The following TRIM49 variants were observed in gnomAD, a reference collection of about 807,000 sequenced individuals.
The protein encoded by TRIM49 is tripartite motif-containing protein 49.
A neutral mutation model predicts 27.4 loss-of-function variants in TRIM49; 5 were observed. The ratio of observed to expected loss-of-function variants is 0.18; its 90% CI spans 0.10 to 0.38. TRIM49 has a LOEUF of 0.38. Among genes scored for constraint, TRIM49 ranks in the 10% least tolerant of loss-of-function variants. The pLI is 1.00. For missense variants in TRIM49, 188 were observed against 487.5 expected (o/e 0.39, Z 5.79); for synonymous variants, 69 against 166.0 (o/e 0.42, Z 4.49).
chr11:89,802,572 A>AACAC lies in TRIM49; in HGVS notation c.508-644_508-641dup, dbSNP rs1319282782. On this transcript the variant is annotated intron_variant, in intron 4 of 7. Transcript: ENST00000329758. ...CTAGAATTACATATATATGTATACA[A>AACAC]ACACACACACATACATACATACATA... Among the ~76,000 whole-genome samples, 22 of 149,092 alleles carry AACAC rather than the reference A, an allele frequency of 1.5e-4. 1 individual carries two copies. The highest frequency in any genetic ancestry group is 5.5e-4 in the African/African-American group (22 of 39,802).
chr11:89,776,886 A>C, the TRIM49 span: 31 of 1,384,502 alleles, frequency 2.2e-5, 1 homozygote, highest in East Asian at 7.8e-4. Flanking sequence ...AAGTAGACAA[A>C]GAAAATTGTC....
the TRIM49 span, among the ~76,000 whole-genome samples, chr11:89,785,097 G>C: frequency 6.8e-6 from 1 of 147,838 alleles, no homozygotes; most frequent in African/African-American, 2.6e-5. Flanking sequence ...CAATAGCCTG[G>C]TTACAGATTT....
chr11:89,766,778 G>C, the TRIM49 span: 1 of 1,298,972 alleles, frequency 7.7e-7, no homozygotes, highest in Non-Finnish European at 1.1e-6. Flanking sequence ...AGGTGGTCAA[G>C]AGACTGAAAT....
chr11:89,777,320 GCT>G, the TRIM49 span: 1 of 1,542,852 alleles, frequency 6.5e-7, no homozygotes, highest in African/African-American at 1.4e-5. Context: ...TGTGGGCCCT[GCT>G]CTGAGTCACC....
chr11:89,785,667 CA>C, the TRIM49 span, among the ~76,000 whole-genome samples: 1 of 144,640 alleles, frequency 6.9e-6, no homozygotes, highest in Non-Finnish European at 1.5e-5. Context: ...TTAAAATTTA[CA>C]AAAGAATAAA....
At chr11:89,786,357 A>C in the TRIM49 span, 1 of 141,854 alleles carries the variant, frequency 7.0e-6, no homozygotes, top group African/African-American at 3.0e-5. Context: ...GTCAACTGGC[A>C]GGACAGGGAG....
the TRIM49 span, chr11:89,777,183 G>T: frequency 6.5e-7 from 1 of 1,548,662 alleles, no homozygotes. Context: ...ACACCAATGT[G>T]GTACTCAAAA....
At chr11:89,802,352 G>C (rs1440952091) in intron 4 of TRIM49, among the ~76,000 whole-genome samples, 73 of 150,498 alleles carry the variant, frequency 4.9e-4, no homozygotes, top group Non-Finnish European at 9.6e-4. Context: ...AGCATGTCCA[G>C]CTAAGTGCAT....
Position 89,802,887 on chromosome 11 carries a change from T to G in TRIM49, c.507+811A>C, listed in dbSNP as rs1337946170. ...TGCATATATTTGTGTATTGACAATT[T>G]GACTCTCTTATTTGGATTGTATGAT... On this transcript the variant is annotated intron_variant, in intron 4 of 7. Transcript: ENST00000329758. Among the ~76,000 whole-genome samples the G allele has an allele frequency of 2.0e-5, 3 of 149,478 alleles. 1 individual carries two copies. Among genetic ancestry groups the G allele is most frequent in the African/African-American group, 7.5e-5 (3 of 40,124 alleles).
rs1949802626 is a variant in TRIM49, at chr11:89,808,427, CT to C, written c.-191+9del. On this transcript the variant is annotated intron_variant, in intron 1 of 7. Transcript: ENST00000329758. ...TTCACATATGAATTAAGTGCAAAGACTTGACTTACCCAATTGTGGGAGCTGC... is the reference window on the plus strand; with the variant it reads ...TTCACATATGAATTAAGTGCAAAGACTGACTTACCCAATTGTGGGAGCTGC... The C allele has an allele frequency of 1.3e-5, 2 of 150,256 alleles. No homozygotes were observed. Among genetic ancestry groups the C allele is most frequent in the Admixed American group, 1.3e-4 (2 of 15,232 alleles). 9.3% of individuals were successfully genotyped at this position (150,256 alleles called of 1,614,324 possible). A position where few individuals can be genotyped will look rare whatever the true frequency, so the allele number is the denominator to read the frequency against.
At chr11:89,796,227 T>A (rs1949688035), downstream of TRIM49, among the ~76,000 whole-genome samples, 1 of 151,948 alleles carries the variant, frequency 6.6e-6, no homozygotes, top group Non-Finnish European at 1.5e-5. Context: ...TTGTGTTATA[T>A]CAAGTAATTA....
rs1243554540 is a variant in TRIM49, at chr11:89,805,502, C to T, written c.-4-1029G>A. On this transcript the variant is annotated intron_variant, in intron 2 of 7. Transcript: ENST00000329758. ...GCAGAAAAAAGGCAACTTCCTCCGT[C>T]TCTCTCCTGAAACTTGTTCTGAACC... 4.0e-5 allele frequency among the ~76,000 whole-genome samples: 6 copies of T among 151,880 alleles called. No individual in the cohort carries two copies. The East Asian group carries it at 1.2e-3, about 29-fold the overall frequency.
At chr11:89,770,265 C>G in the TRIM49 span, among the ~76,000 whole-genome samples, 1 of 124,688 alleles carries the variant, frequency 8.0e-6, no homozygotes, top group Non-Finnish European at 1.6e-5. Context: ...AATTACCGTA[C>G]ATATTGTGAG....
At chr11:89,787,762 C>G in the TRIM49 span, 16 of 694,606 alleles carry the variant, frequency 2.3e-5, 1 homozygote, top group African/African-American at 2.5e-4. Context: ...AGGAGAAACC[C>G]GAGGCGGAGG....
At chr11:89,776,928 A>G in the TRIM49 span, 1 of 1,519,838 alleles carries the variant, frequency 6.6e-7, no homozygotes, top group Middle Eastern at 2.2e-4. Context: ...CATCGGGGCA[A>G]ATAAAAATAA....
the TRIM49 span, among the ~76,000 whole-genome samples, chr11:89,777,663 T>G: frequency 1.3e-5 from 2 of 150,756 alleles, no homozygotes; most frequent in African/African-American, 4.9e-5. Context: ...AGAACACTTT[T>G]CAAAGTCAGG....
the TRIM49 span, among the ~76,000 whole-genome samples, chr11:89,790,480 C>G: frequency 6.6e-6 from 1 of 151,898 alleles, no homozygotes; most frequent in Admixed American, 6.6e-5. Context: ...CCTGAGTAGC[C>G]TAACCAGGAG....
chr11:89,796,447 A>G (rs1338331387), downstream of TRIM49, among the ~76,000 whole-genome samples: 1 of 135,416 alleles, frequency 7.4e-6, no homozygotes, highest in African/African-American at 3.3e-5. Flanking sequence ...TGTTGCCTCC[A>G]CTGGTCTGGA....
chr11:89,791,294 A>T, the TRIM49 span, among the ~76,000 whole-genome samples: 1 of 152,170 alleles, frequency 6.6e-6, no homozygotes, highest in Non-Finnish European at 1.5e-5. Flanking sequence ...GATGGGGAGT[A>T]TGGATACGAG....
Sources: allele counts gnomAD v4.1 joint callset (sites outside exome capture counted in the v4.1 genomes callset), GRCh38; gene constraint gnomAD v4.1.1; transcripts MANE v1.5; gene names NCBI Gene and HGNC (gene_info 2026-07-23, HGNC 2026-07-21).